Variants in TBXAS1 observed in about 807,000 individuals in gnomAD.
The protein encoded by TBXAS1 is thromboxane-A synthase.
A neutral mutation model predicts 60.7 loss-of-function variants in TBXAS1; 48 were observed. The ratio of observed to expected loss-of-function variants is 0.79; its 90% CI spans 0.63 to 1.01. The LOEUF (loss-of-function observed/expected upper bound fraction) is 1.01, where lower values mean the gene tolerates loss of function less well. TBXAS1 is among the 50% of genes least tolerant of loss of function. TBXAS1 has a pLI of 0.00. For missense variants in TBXAS1, 685 were observed against 686.3 expected (o/e 1.00, Z 0.02); for synonymous variants, 287 against 269.7 (o/e 1.06, Z -0.63).
intron 9 of TBXAS1, among the ~76,000 whole-genome samples, chr7:139,995,440 G>C (rs1270569827): frequency 1.3e-5 from 2 of 152,102 alleles, no homozygotes; most frequent in Non-Finnish European, 1.5e-5. Context: ...TATTTGGCCT[G>C]GCAGAGTGAC....
intron 10 of TBXAS1, among the ~76,000 whole-genome samples, chr7:140,014,603 G>C (rs1814873553): frequency 6.6e-6 from 1 of 152,114 alleles, no homozygotes; most frequent in African/African-American, 2.4e-5. Context: ...CACACACACA[G>C]AGAATGGTAA....
upstream of TBXAS1, among the ~76,000 whole-genome samples, chr7:139,827,395 G>A (rs1407101885): frequency 6.6e-6 from 1 of 152,162 alleles, no homozygotes; most frequent in African/African-American, 2.4e-5. Context: ...ATAGTTAGTT[G>A]GTGAGTTCTT....
chr7:139,806,564 G>C (rs1389272437), intron 4 of TBXAS1, among the ~76,000 whole-genome samples: 2 of 151,998 alleles, frequency 1.3e-5, no homozygotes, highest in African/African-American at 4.8e-5. Context: ...TGCCTGGCCT[G>C]TTTTTATTTT....
intron 2 of TBXAS1, among the ~76,000 whole-genome samples, chr7:139,874,300 GA>G (rs1802051948): frequency 6.6e-6 from 1 of 152,098 alleles, no homozygotes. Flanking sequence ...TTTCTGGGGG[GA>G]AATGATCAGT....
chr7:139,852,933 A>AAC lies in TBXAS1; in HGVS notation c.90-19301_90-19300insCA, dbSNP rs1165152546. Among the ~76,000 whole-genome samples, 12 of 118,102 alleles carry AAC rather than the reference A, an allele frequency of 1.0e-4. No homozygotes were observed. Among genetic ancestry groups the AAC allele is most frequent in the Non-Finnish European group, 1.6e-4 (9 of 57,308 alleles). The allele number at this position is 118,102 out of a possible 152,430, so 77.5% of individuals were successfully genotyped here. A position where few individuals can be genotyped will look rare whatever the true frequency, so the allele number is the denominator to read the frequency against. ...CCTGTGTACCAACCTTGGCTACTCCAATACACACACACACACACACACACA... is the reference window on the plus strand; with the variant it reads ...CCTGTGTACCAACCTTGGCTACTCCAACATACACACACACACACACACACACA... On this transcript the variant is annotated intron_variant, in intron 1 of 12. Transcript: ENST00000448866. The surrounding 1 kb of genome is among the most constrained non-coding windows in gnomAD (Gnocchi z 4.4).
intron 2 of TBXAS1, among the ~76,000 whole-genome samples, chr7:139,873,826 C>T (rs1802011116): frequency 6.6e-6 from 1 of 152,114 alleles, no homozygotes; most frequent in Admixed American, 6.5e-5. Context: ...TGACTCCAGA[C>T]CCAACGCCAG....
At chr7:139,784,855 A>G (rs1455697894) in intron 3 of TBXAS1, among the ~76,000 whole-genome samples, 3 of 151,762 alleles carry the variant, frequency 2.0e-5, no homozygotes, top group African/African-American at 7.3e-5. Context: ...TAGGAGATAG[A>G]GATTGTTTTG....
chr7:139,865,467 C>A (rs1000616463), intron 1 of TBXAS1, among the ~76,000 whole-genome samples: 4 of 152,046 alleles, frequency 2.6e-5, no homozygotes, highest in African/African-American at 9.7e-5. Context: ...AGTCAGCTTG[C>A]AGTACCTATC....
chr7:139,978,266 T>A (rs1285254994), intron 9 of TBXAS1, among the ~76,000 whole-genome samples: 1 of 152,140 alleles, frequency 6.6e-6, no homozygotes, highest in Non-Finnish European at 1.5e-5. Context: ...CCCAGCACTT[T>A]GGGAGGCAGA....
At chr7:139,815,842 T>C (rs1438390489) in intron 4 of TBXAS1, among the ~76,000 whole-genome samples, 1 of 152,110 alleles carries the variant, frequency 6.6e-6, no homozygotes, top group Non-Finnish European at 1.5e-5. Context: ...CTAATTATTG[T>C]GAAAGAACCA....
intron 4 of TBXAS1, among the ~76,000 whole-genome samples, chr7:139,932,166 C>CAAAAA (rs56765418): frequency 1.5e-5 from 1 of 66,408 alleles, no homozygotes; most frequent in Non-Finnish European, 3.5e-5. Flanking sequence ...GACTCCATCT[C>CAAAAA]AAAAAAAAAA....
At chr7:139,961,393 A>C (rs1810324254) in intron 8 of TBXAS1, among the ~76,000 whole-genome samples, 1 of 152,222 alleles carries the variant, frequency 6.6e-6, no homozygotes, top group Non-Finnish European at 1.5e-5. Flanking sequence ...TTATTGTTGG[A>C]AAACCAACCA....
At chr7:139,985,013 C>T (rs1035908654) in intron 9 of TBXAS1, among the ~76,000 whole-genome samples, 4 of 152,120 alleles carry the variant, frequency 2.6e-5, no homozygotes, top group Non-Finnish European at 4.4e-5. Context: ...TCAGAAATCG[C>T]TGGTCAGTCC....
chr7:139,970,349 T>G (rs1584978337), intron 9 of TBXAS1, among the ~76,000 whole-genome samples: 1 of 152,292 alleles, frequency 6.6e-6, no homozygotes, highest in Non-Finnish European at 1.5e-5. Context: ...TCAGGTGATC[T>G]GCCCGCCTCG....
intron 5 of TBXAS1, among the ~76,000 whole-genome samples, chr7:139,951,816 GAAGGAAAGAAAGAGGAAA>G (rs1809317325): frequency 2.3e-5 from 1 of 43,916 alleles, no homozygotes; most frequent in Non-Finnish European, 4.7e-5. Flanking sequence ...AAACAAAGAA[GAAGGAAAGAAAGAGGAAA>G]GAAAGAAAGA....
At chr7:139,943,851 C>A (rs924935839) in intron 5 of TBXAS1, among the ~76,000 whole-genome samples, 4 of 152,088 alleles carry the variant, frequency 2.6e-5, no homozygotes, top group African/African-American at 9.7e-5. Context: ...GTTTAGAGCA[C>A]TTTAAGGCAT....
At chr7:139,824,003 A>G (rs1798370668) in intron 4 of TBXAS1, among the ~76,000 whole-genome samples, 1 of 152,220 alleles carries the variant, frequency 6.6e-6, no homozygotes, top group African/African-American at 2.4e-5. Context: ...TCCTTGCCAG[A>G]GACGTCAGGC....
chr7:139,957,893 T>TAA, intron 8 of TBXAS1, 129 bp downstream of exon 8: 1 of 1,342,496 alleles, frequency 7.4e-7, no homozygotes, highest in Non-Finnish European at 1.0e-6. Context: ...ACCCACCACT[T>TAA]ACAGCTTCCA....
chr7:139,880,732 T>C (rs529440458), intron 3 of TBXAS1, among the ~76,000 whole-genome samples: 4 of 152,344 alleles, frequency 2.6e-5, no homozygotes, highest in Admixed American at 2.0e-4. Context: ...TCTCAATTGA[T>C]AAACATCTCT....
Sources: allele counts gnomAD v4.1 joint callset (sites outside exome capture counted in the v4.1 genomes callset), GRCh38; gene constraint gnomAD v4.1.1; non-coding constraint Gnocchi (gnomAD v3.1); transcripts MANE v1.5; gene names NCBI Gene and HGNC (gene_info 2026-07-23, HGNC 2026-07-21).